Variants in PARVA observed in about 807,000 individuals in gnomAD.
The protein encoded by PARVA is parvin alpha, also known as alpha-parvin.
Under a neutral mutation model 52.6 loss-of-function variants are expected in PARVA, and 25 were observed. The ratio of observed to expected loss-of-function variants is 0.48; its 90% CI spans 0.35 to 0.66. PARVA has a LOEUF of 0.66. Among genes scored for constraint, PARVA ranks in the 30% least tolerant of loss-of-function variants. The pLI is 0.01. For missense variants in PARVA, 373 were observed against 450.9 expected, an observed-to-expected ratio of 0.83 and a Z score of 1.56; for synonymous variants, 185 against 179.1, an observed-to-expected ratio of 1.03 and a Z score of -0.26.
intron 1 of PARVA, among the ~76,000 whole-genome samples, chr11:12,389,675 G>T (rs1939629624): frequency 6.6e-6 from 1 of 152,182 alleles, no homozygotes; most frequent in Admixed American, 6.5e-5. Context: ...ATGGGCTTTG[G>T]GAACCTGAGT....
At chr11:12,463,697 G>T (rs1045656799) in intron 1 of PARVA, among the ~76,000 whole-genome samples, 1 of 152,170 alleles carries the variant, frequency 6.6e-6, no homozygotes, top group African/African-American at 2.4e-5. Context: ...CACATAAAGA[G>T]TGGGGAGTTA....
In PARVA at chr11:12,477,800, A is replaced by C. The variant is rs60416797; in HGVS notation, c.298-47A>C. Reference sequence around the variant, plus strand: ...AAGCTGGTCTGTAAGAAAATACCCCATAACTCTTTTCTTACTATTGCACAT... The same window carrying C: ...AAGCTGGTCTGTAAGAAAATACCCCCTAACTCTTTTCTTACTATTGCACAT... On this transcript the variant is annotated intron_variant, in intron 3 of 12. Coordinates refer to ENST00000334956, the MANE Select transcript of PARVA (RefSeq NM_018222.5). The C allele has an allele frequency of 9.3e-3, 9,168 of 982,170 alleles. 505 individuals are homozygous for C. The African/African-American group carries it at 0.13, about 13-fold the overall frequency. 60.8% of individuals were successfully genotyped at this position (982,170 alleles called of 1,614,324 possible).
intron 12 of PARVA, among the ~76,000 whole-genome samples, chr11:12,522,078 T>C (rs1046384573): frequency 1.2e-4 from 19 of 152,212 alleles, no homozygotes; most frequent in Admixed American, 1.1e-3. Context: ...AATAGGAAGT[T>C]AGCACACTCC....
Position 12,441,010 on chromosome 11 carries a change from C to T in PARVA, c.137-32735C>T, listed in dbSNP as rs1054985677. On this transcript the variant is annotated intron_variant, in intron 1 of 12. Coordinates refer to ENST00000334956, the MANE Select transcript of PARVA (RefSeq NM_018222.5). ...AGCGCATGATATCTCATCACATTCA[C>T]AGTCCCAGGATTGGAGCAGGAAATC... 3.3e-5 allele frequency among the ~76,000 whole-genome samples: 5 copies of T among 152,346 alleles called. No homozygotes were observed. In the East Asian group the frequency reaches 5.8e-4, roughly 18 times the overall value.
At chr11:12,509,203 A>G (rs2135073372) in intron 7 of PARVA, among the ~76,000 whole-genome samples, 1 of 150,920 alleles carries the variant, frequency 6.6e-6, no homozygotes, top group Middle Eastern at 3.5e-3. Flanking sequence ...TGAGTTTGTG[A>G]TCCCGAGAAC....
intron 6 of PARVA, among the ~76,000 whole-genome samples, chr11:12,505,802 A>G (rs1019916732): frequency 6.6e-6 from 1 of 152,302 alleles, no homozygotes; most frequent in East Asian, 1.9e-4. Context: ...ATTTTTACCA[A>G]TCAATGATGT....
At chr11:12,511,012 C>T (rs1402566839) in intron 7 of PARVA, among the ~76,000 whole-genome samples, 1 of 152,028 alleles carries the variant, frequency 6.6e-6, no homozygotes, top group Non-Finnish European at 1.5e-5. Flanking sequence ...GAAAACCTAC[C>T]CTGGGTCAAT....
Position 12,513,626 on chromosome 11 carries a change from C to A in PARVA, c.798+266C>A, listed in dbSNP as rs148247316. The A allele has an allele frequency of 1.4e-5, 9 of 633,378 alleles. No individual in the cohort carries two copies. The African/African-American group carries it at 1.4e-4, about 10-fold the overall frequency. 39.2% of individuals were successfully genotyped at this position (633,378 alleles called of 1,614,324 possible). A position where few individuals can be genotyped will look rare whatever the true frequency, so the allele number is the denominator to read the frequency against. ...CAATCTCAGCCTTCCCCACTCCTCA[C>A]AGAATTCCCTGTCTCCCTGGCCTAG... On this transcript the variant is annotated intron_variant, in intron 9 of 12. Transcript: ENST00000334956.
At chr11:12,468,453 A>G (rs945801192) in intron 1 of PARVA, among the ~76,000 whole-genome samples, 1 of 152,148 alleles carries the variant, frequency 6.6e-6, no homozygotes, top group African/African-American at 2.4e-5. Flanking sequence ...ATGCCATAGC[A>G]TTTCTTTTCT....
At chr11:12,412,525 C>T (rs1197103871) in intron 1 of PARVA, among the ~76,000 whole-genome samples, 2 of 152,176 alleles carry the variant, frequency 1.3e-5, no homozygotes, top group African/African-American at 4.8e-5. Context: ...TCAGTGGTGG[C>T]TTCAGCAGCA....
upstream of PARVA, chr11:12,377,496 G>C: frequency 7.0e-7 from 1 of 1,421,740 alleles, no homozygotes. Context: ...GAGGGAGCGA[G>C]GGAAGGGAAA....
At chr11:12,388,819 A>T (rs1285356796) in intron 1 of PARVA, among the ~76,000 whole-genome samples, 1 of 152,116 alleles carries the variant, frequency 6.6e-6, no homozygotes, top group Non-Finnish European at 1.5e-5. Flanking sequence ...TTTTATAGGC[A>T]CATAATACTC....
At chr11:12,406,327 A>C (rs1939905708) in intron 1 of PARVA, among the ~76,000 whole-genome samples, 1 of 152,226 alleles carries the variant, frequency 6.6e-6, no homozygotes, top group South Asian at 2.1e-4. Context: ...CAGCCACGTT[A>C]TGGAGGATAA....
intron 1 of PARVA, among the ~76,000 whole-genome samples, chr11:12,436,830 C>T (rs932794970): frequency 2.0e-5 from 3 of 152,084 alleles, no homozygotes; most frequent in Non-Finnish European, 4.4e-5. Context: ...ATTAAAGGTA[C>T]TGATGATAAA....
At chr11:12,487,515 T>TATC (rs79002110) in intron 4 of PARVA, among the ~76,000 whole-genome samples, 17,814 of 152,206 alleles carry the variant, frequency 0.12, 1,247 homozygotes, top group Non-Finnish European at 0.17. Flanking sequence ...ACCAGCTAGA[T>TATC]ATCAAGTGCT....
chr11:12,503,001 T>C (rs1000097388), intron 5 of PARVA, among the ~76,000 whole-genome samples: 2 of 152,140 alleles, frequency 1.3e-5, no homozygotes, highest in African/African-American at 4.8e-5. Flanking sequence ...TGCCTGACCC[T>C]CTGTGCACCT....
intron 1 of PARVA, among the ~76,000 whole-genome samples, chr11:12,441,619 T>C (rs1417405063): frequency 6.6e-6 from 1 of 152,184 alleles, no homozygotes; most frequent in African/African-American, 2.4e-5. Context: ...GAATAAAGTA[T>C]GGTTTGAGAA....
chr11:12,510,807 CACA>C (rs2135075168), intron 7 of PARVA, among the ~76,000 whole-genome samples: 1 of 152,266 alleles, frequency 6.6e-6, no homozygotes, highest in East Asian at 1.9e-4. Flanking sequence ...GGGTCCCTCC[CACA>C]ACACGTAGGA....
intron 1 of PARVA, among the ~76,000 whole-genome samples, chr11:12,433,423 G>A (rs998982340): frequency 2.0e-5 from 3 of 152,210 alleles, no homozygotes; most frequent in African/African-American, 7.2e-5. Context: ...TTTTAAGTGA[G>A]AGAATCAGCA....
Sources: allele counts gnomAD v4.1 joint callset (sites outside exome capture counted in the v4.1 genomes callset), GRCh38; gene constraint gnomAD v4.1.1; transcripts MANE v1.5; gene names NCBI Gene and HGNC (gene_info 2026-07-23, HGNC 2026-07-21).